COPS4: variants seen among roughly 807,000 people sequenced by gnomAD.
The protein encoded by COPS4 is COP9 signalosome complex subunit 4.
In COPS4, 8 loss-of-function variants were observed where a neutral mutation model predicts 55.1. The observed-to-expected ratio is 0.15, with a 90% CI of 0.09 to 0.26. The LOEUF is 0.26. Among genes scored for constraint, COPS4 ranks in the 10% least tolerant of loss-of-function variants. The pLI is 1.00. For missense variants in COPS4, 248 were observed against 484.0 expected, an observed-to-expected ratio of 0.51 and a Z score of 4.58; for synonymous variants, 185 against 165.7, an observed-to-expected ratio of 1.12 and a Z score of -0.90.
chr4:83,040,570 C>T lies in COPS4; in HGVS notation c.75-5056C>T, dbSNP rs536841357. 2.0e-5 allele frequency among the ~76,000 whole-genome samples: 3 copies of T among 152,286 alleles called. No individual in the cohort carries two copies. The South Asian group carries it at 6.2e-4, about 32-fold the overall frequency. On this transcript the variant is annotated intron_variant, in intron 1 of 9. Coordinates refer to ENST00000264389, the MANE Select transcript of COPS4 (RefSeq NM_016129.3). ...GCAGCTTGCTTCTCAGTGCTTCCAG[C>T]AGATTCGCAGTGAGCCCACCTTCTC...
intron 2 of COPS4, among the ~76,000 whole-genome samples, chr4:83,047,475 G>A (rs1169771724): frequency 1.3e-5 from 2 of 151,846 alleles, no homozygotes; most frequent in Non-Finnish European, 2.9e-5. Context: ...GACTGCTTGA[G>A]CCCCGGTGGT....
intron 8 of COPS4, among the ~76,000 whole-genome samples, chr4:83,066,790 G>A (rs1474516132): frequency 1.3e-5 from 2 of 152,138 alleles, no homozygotes; most frequent in African/African-American, 4.8e-5. Flanking sequence ...TTTAAATTGT[G>A]TTTTGTGATA....
At chr4:83,063,309 T>C (rs548352842) in intron 7 of COPS4, 63 bp downstream of exon 7, 30 of 1,122,794 alleles carry the variant, frequency 2.7e-5, no homozygotes, top group Non-Finnish European at 3.5e-5. Context: ...GTGAAAATCA[T>C]GTTAAATTAG....
intron 9 of COPS4, among the ~76,000 whole-genome samples, chr4:83,069,030 GA>G (rs1731356796): frequency 1.3e-5 from 2 of 151,722 alleles, no homozygotes; most frequent in Non-Finnish European, 1.5e-5. Flanking sequence ...CTATGTTAAG[GA>G]AAAATTTGAA....
At chr4:83,061,047 A>T (rs1421863637) in intron 6 of COPS4, among the ~76,000 whole-genome samples, 1 of 150,882 alleles carries the variant, frequency 6.6e-6, no homozygotes, top group Non-Finnish European at 1.5e-5. Flanking sequence ...AAAAAAAATA[A>T]TAATAATAAT....
chr4:83,039,783 C>T (rs1730512795), intron 1 of COPS4, among the ~76,000 whole-genome samples: 1 of 152,174 alleles, frequency 6.6e-6, no homozygotes, highest in Non-Finnish European at 1.5e-5. Context: ...AGGCACGTGA[C>T]ACCATGCCTG....
At chr4:83,071,146 G>A (rs1164117340) in intron 9 of COPS4, among the ~76,000 whole-genome samples, 1 of 152,106 alleles carries the variant, frequency 6.6e-6, no homozygotes, top group Non-Finnish European at 1.5e-5. Flanking sequence ...ATTTTCAGTT[G>A]TGTAACTATT....
intron 9 of COPS4, among the ~76,000 whole-genome samples, chr4:83,070,681 AATAACCTCTTTCTTTCCTTC>A (rs1731403322): frequency 2.0e-5 from 3 of 152,112 alleles, no homozygotes; most frequent in Non-Finnish European, 4.4e-5. Context: ...GGTGTTGAGA[AATAACCTCTTTCTTTCCTTC>A]TCATATCTAC....
At chr4:83,053,216 A>G (rs1272460111) in intron 4 of COPS4, among the ~76,000 whole-genome samples, 1 of 152,176 alleles carries the variant, frequency 6.6e-6, no homozygotes, top group African/African-American at 2.4e-5. Context: ...ATCTCTAAAA[A>G]AAATTTGATT....
At chr4:83,055,932 CTTT>C (rs57000074) in intron 4 of COPS4, among the ~76,000 whole-genome samples, 8 of 100,550 alleles carry the variant, frequency 8.0e-5, no homozygotes, top group Middle Eastern at 4.5e-3. Context: ...TTTTCTTTTT[CTTT>C]TTTTTTTTTT....
Position 83,045,690 on chromosome 4 carries a change from G to A in COPS4, c.139G>A (p.Ala47Thr). 4 of 1,612,520 alleles carry A rather than the reference G, an allele frequency of 2.5e-6. No homozygotes were observed. The highest frequency in any genetic ancestry group is 3.4e-6 in the Non-Finnish European group (4 of 1,179,080). Reference sequence around the variant, plus strand: ...AGCAGAACAACTAGAAGCTTTGAAAGCTTTTGTGGAAGCAAGTAAGTGAAA... The same window carrying A: ...AGCAGAACAACTAGAAGCTTTGAAAACTTTTGTGGAAGCAAGTAAGTGAAA... ...SGAEQLEALKAFVEAMVNENV... is the reference protein window; with the variant it reads ...SGAEQLEALKTFVEAMVNENV... Residue 47 changes from alanine to threonine, a missense_variant, in exon 2 of 10, where the codon GCT becomes ACT. Coordinates refer to ENST00000264389, the MANE Select transcript of COPS4 (RefSeq NM_016129.3).
intron 6 of COPS4, among the ~76,000 whole-genome samples, chr4:83,058,419 A>T (rs1053871113): frequency 2.0e-5 from 3 of 151,884 alleles, no homozygotes; most frequent in Non-Finnish European, 4.4e-5. Context: ...GGGTTTCTCC[A>T]TATTGCCCAG....
At chr4:83,061,346 C>G (rs891789948) in intron 6 of COPS4, among the ~76,000 whole-genome samples, 1 of 152,040 alleles carries the variant, frequency 6.6e-6, no homozygotes, top group Non-Finnish European at 1.5e-5. Flanking sequence ...GTGCTTTCTT[C>G]CAGTCACTAG....
chr4:83,036,310 T>A (rs1730417742), intron 1 of COPS4, among the ~76,000 whole-genome samples: 1 of 150,852 alleles, frequency 6.6e-6, no homozygotes, highest in Non-Finnish European at 1.5e-5. Context: ...AAATAAAGTA[T>A]GCCTCTCAAG....
intron 9 of COPS4, among the ~76,000 whole-genome samples, chr4:83,073,862 C>T (rs1028312070): frequency 1.3e-5 from 2 of 151,624 alleles, no homozygotes; most frequent in Non-Finnish European, 2.9e-5. Context: ...GAGGCTGAAG[C>T]AGGAGAATCC....
In COPS4 at chr4:83,045,938, T is replaced by C. The variant is rs568952839; in HGVS notation, c.154+233T>C. ...TTATAATAGCTGATAAGGGACAATA[T>C]AGCATAATAGTAAAGAGAATAGTTT... On this transcript the variant is annotated intron_variant, in intron 2 of 9. Transcript: ENST00000264389. 3.8e-4 allele frequency among the ~76,000 whole-genome samples: 58 copies of C among 152,292 alleles called. 1 individual carries two copies. In the South Asian group the frequency reaches 0.012, roughly 31 times the overall value.
chr4:83,049,368 T>C (rs748346523), intron 3 of COPS4, 51 bp downstream of exon 3: 1 of 1,465,134 alleles, frequency 6.8e-7, no homozygotes, highest in Non-Finnish European at 9.2e-7. Flanking sequence ...GCAGTTATTT[T>C]GAGAATCTGA....
chr4:83,049,566 G>T, intron 3 of COPS4: 1 of 476,688 alleles, frequency 2.1e-6, no homozygotes, highest in Non-Finnish European at 3.7e-6. Context: ...TTTAAAATCA[G>T]TAAAATTGGT....
chr4:83,061,855 A>G (rs1731170855), intron 6 of COPS4, among the ~76,000 whole-genome samples: 1 of 152,214 alleles, frequency 6.6e-6, no homozygotes. Context: ...TCTTTTTGAC[A>G]TGGCCCCATT....
Sources: allele counts gnomAD v4.1 joint callset (sites outside exome capture counted in the v4.1 genomes callset), GRCh38; gene constraint gnomAD v4.1.1; transcripts MANE v1.5; gene names NCBI Gene and HGNC (gene_info 2026-07-23, HGNC 2026-07-21).